GARRE1: variants seen among roughly 807,000 people sequenced by gnomAD.
GARRE1 encodes granule associated Rac and RHOG effector protein 1.
Under a neutral mutation model 103.2 loss-of-function variants are expected in GARRE1, and 49 were observed. That is an observed-to-expected ratio of 0.47 (90% CI 0.38 to 0.60). The LOEUF is 0.60. GARRE1 is among the 20% of genes least tolerant of loss of function. The pLI is 0.00. For synonymous variants in GARRE1, 505 were observed against 532.8 expected (o/e 0.95, Z 0.72); for missense variants, 1,199 against 1,370.5 (o/e 0.87, Z 1.98).
chr19:34,320,379 G>A (rs1295232533), intron 3 of GARRE1, among the ~76,000 whole-genome samples: 4 of 152,262 alleles, frequency 2.6e-5, no homozygotes, highest in Non-Finnish European at 4.4e-5. Context: ...AAGGGGCCAG[G>A]ATGGAGATAT....
rs1309681966 is a variant in GARRE1 at position 34,327,804 on chromosome 19, T to G, written c.880T>G (p.Cys294Gly). The change falls in exon 5 of 14, where the codon TGT (cysteine) becomes GGT (glycine). Residue 294 changes from cysteine (C) to glycine (G), a missense_variant. Cys to Gly is a radical substitution (Grantham distance 159, BLOSUM62 -3). Coordinates refer to ENST00000299505, the MANE Select transcript of GARRE1 (RefSeq NM_014686.5). ...YKIALESLGH[C>G]EYAMKAGFHL... ...GATAGCTCTGGAAAGCTTAGGACAC[T>G]GTGAATATGCAATGAAAGCCGGCTT... The G allele has an allele frequency of 1.9e-6, 3 of 1,614,080 alleles. No homozygotes were observed. Among genetic ancestry groups the G allele is most frequent in the African/African-American group, 1.3e-5 (1 of 74,938 alleles).
At chr19:34,332,471 A>T (rs890666862) in intron 7 of GARRE1, among the ~76,000 whole-genome samples, 27 of 152,186 alleles carry the variant, frequency 1.8e-4, no homozygotes, top group African/African-American at 6.3e-4. Context: ...AAAAAGTTCC[A>T]TGTTATTCAG....
At chr19:34,277,423 T>TACGAACA (rs2073823203) in intron 1 of GARRE1, among the ~76,000 whole-genome samples, 1 of 152,134 alleles carries the variant, frequency 6.6e-6, no homozygotes, top group Non-Finnish European at 1.5e-5. Flanking sequence ...AGTGGTTACT[T>TACGAACA]ATGAACAATA....
At chr19:34,257,860 T>C (rs1294283392) in intron 1 of GARRE1, among the ~76,000 whole-genome samples, 1 of 151,824 alleles carries the variant, frequency 6.6e-6, no homozygotes, top group Non-Finnish European at 1.5e-5. Flanking sequence ...AATCTCCCAT[T>C]GATTGGCCTT....
At chr19:34,297,196 G>A (rs560532097) in intron 1 of GARRE1, among the ~76,000 whole-genome samples, 3 of 152,186 alleles carry the variant, frequency 2.0e-5, no homozygotes, top group African/African-American at 7.2e-5. Flanking sequence ...GCTGAGGCAG[G>A]AGAATCACTT....
intron 8 of GARRE1, among the ~76,000 whole-genome samples, chr19:34,337,206 C>T (rs534918443): frequency 3.7e-4 from 57 of 152,216 alleles, no homozygotes; most frequent in Admixed American, 1.3e-3. Flanking sequence ...TACTGTGTAC[C>T]AGACACTGTT....
intron 2 of GARRE1, among the ~76,000 whole-genome samples, chr19:34,313,401 C>G (rs983383146): frequency 2.0e-5 from 3 of 152,164 alleles, no homozygotes; most frequent in Non-Finnish European, 4.4e-5. Context: ...CCTCTCCACC[C>G]CATTCCAAGA....
At chr19:34,341,002 C>T (rs930449852) in intron 9 of GARRE1, among the ~76,000 whole-genome samples, 10 of 152,176 alleles carry the variant, frequency 6.6e-5, no homozygotes, top group Non-Finnish European at 1.3e-4. Context: ...GTTGGGACAA[C>T]GTTGGCACAT....
chr19:34,296,953 G>A (rs2073951144), intron 1 of GARRE1, among the ~76,000 whole-genome samples: 1 of 152,214 alleles, frequency 6.6e-6, no homozygotes, highest in Middle Eastern at 3.4e-3. Context: ...GCTTCCAAAT[G>A]AATTTTGGGG....
chr19:34,295,523 T>TTTTG (rs1341424683), intron 1 of GARRE1, among the ~76,000 whole-genome samples: 3 of 151,728 alleles, frequency 2.0e-5, no homozygotes, highest in Admixed American at 6.6e-5. Flanking sequence ...TGGTGTTTTG[T>TTTTG]TTTGTTTTGT....
chr19:34,286,164 C>CA (rs767134201), intron 1 of GARRE1, among the ~76,000 whole-genome samples: 2 of 152,108 alleles, frequency 1.3e-5, no homozygotes, highest in Non-Finnish European at 2.9e-5. Flanking sequence ...AACAAACAAA[C>CA]AAACAAAACA....
intron 2 of GARRE1, among the ~76,000 whole-genome samples, chr19:34,311,157 TA>T (rs2074034411): frequency 1.3e-5 from 2 of 152,118 alleles, no homozygotes; most frequent in South Asian, 4.2e-4. Flanking sequence ...CACACCCAGC[TA>T]AACTGTATTT....
intron 1 of GARRE1, among the ~76,000 whole-genome samples, chr19:34,265,977 C>T (rs544004744): frequency 1.8e-4 from 27 of 152,330 alleles, no homozygotes; most frequent in African/African-American, 3.1e-4. Context: ...TTTGGAAGTG[C>T]GTCGTTTCCA....
In GARRE1 at chr19:34,347,886, A is replaced by G; in HGVS notation, c.2531A>G (p.Asp844Gly). The G allele has an allele frequency of 6.4e-7, 1 of 1,561,332 alleles. No homozygotes were observed. The highest frequency in any genetic ancestry group is 8.7e-7 in the Non-Finnish European group (1 of 1,149,594). Residue 844 changes from aspartate (D) to glycine (G), a missense_variant, in exon 11 of 14, where the codon GAC (aspartate) becomes GGC (glycine). By Grantham distance (94) the Asp-to-Gly change is moderately conservative. Coordinates refer to ENST00000299505, the MANE Select transcript of GARRE1 (RefSeq NM_014686.5). ...CTTTGTCCCAATGCAGTGGGCTCAG[A>G]CCCAGAGTTTGCACGCTATGTGGCA... ...ILPFDPAVGS[D>G]PEFARYVAGV...
At position 34,333,677 on chromosome 19, in the gene GARRE1, G is replaced by GTTT. The variant is rs74177138; in HGVS notation, c.1264-12_1264-10dup. ...TCTCTCTGAAAGCTGGTTGTTATTT[G>GTTT]TTTTTTTTTTTTTTTTTCGATCTTA... On this transcript the variant is annotated intron_variant, in intron 7 of 13. Transcript: ENST00000299505. The GTTT allele has an allele frequency of 5.2e-3, 3,526 of 672,952 alleles. 11 individuals are homozygous for GTTT. Among genetic ancestry groups the GTTT allele is most frequent in the South Asian group, 0.01 (532 of 53,190 alleles). 41.7% of individuals were successfully genotyped at this position (672,952 alleles called of 1,614,324 possible).
intron 10 of GARRE1, among the ~76,000 whole-genome samples, chr19:34,344,317 G>A (rs1235768831): frequency 1.3e-4 from 20 of 152,146 alleles, no homozygotes; most frequent in Admixed American, 1.1e-3. Context: ...CAGGCCGGGC[G>A]CTGTGGCTCA....
At chr19:34,295,830 C>T (rs2073944019) in intron 1 of GARRE1, among the ~76,000 whole-genome samples, 1 of 152,162 alleles carries the variant, frequency 6.6e-6, no homozygotes, top group African/African-American at 2.4e-5. Context: ...TACACCCAGC[C>T]TAATTTTTGT....
chr19:34,320,481 C>T (rs1057154647), intron 3 of GARRE1, among the ~76,000 whole-genome samples: 1 of 152,142 alleles, frequency 6.6e-6, no homozygotes, highest in Middle Eastern at 3.2e-3. Flanking sequence ...GAGGCTGGCA[C>T]CCAAGTCAGG....
chr19:34,313,399 C>A (rs2145253443), intron 2 of GARRE1, among the ~76,000 whole-genome samples: 1 of 152,304 alleles, frequency 6.6e-6, no homozygotes, highest in South Asian at 2.1e-4. Flanking sequence ...CTCCTCTCCA[C>A]CCCATTCCAA....
Sources: allele counts gnomAD v4.1 joint callset (sites outside exome capture counted in the v4.1 genomes callset), GRCh38; gene constraint gnomAD v4.1.1; transcripts MANE v1.5; gene names NCBI Gene and HGNC (gene_info 2026-07-23, HGNC 2026-07-21).